ODAD2: variants seen among roughly 807,000 people sequenced by gnomAD.
ODAD2 encodes the protein outer dynein arm docking complex subunit 2.
Under a neutral mutation model 106.8 loss-of-function variants are expected in ODAD2, and 89 were observed. The observed-to-expected ratio is 0.83, with a 90% confidence interval of 0.70 to 0.99. The LOEUF (loss-of-function observed/expected upper bound fraction) is 0.99. Ranked by LOEUF, ODAD2 falls within the 50% of genes least tolerant of loss-of-function variation. The pLI, the probability that ODAD2 is intolerant of heterozygous loss-of-function variation, is 0.00. For synonymous variants in ODAD2, 404 were observed against 436.2 expected, an observed-to-expected ratio of 0.93 and a Z score of 0.92; for missense variants, 1,168 against 1,238.5, an observed-to-expected ratio of 0.94 and a Z score of 0.85.
At chr10:27,830,236 A>G (rs1393625242) in intron 19 of ODAD2, among the ~76,000 whole-genome samples, 1 of 151,648 alleles carries the variant, frequency 6.6e-6, no homozygotes, top group Non-Finnish European at 1.5e-5. Flanking sequence ...ACCACATAAC[A>G]CCTCCCCTTG....
intron 19 of ODAD2, among the ~76,000 whole-genome samples, chr10:27,819,685 T>C (rs961622684): frequency 2.0e-5 from 3 of 151,700 alleles, no homozygotes; most frequent in Admixed American, 2.0e-4. Context: ...GAGGATGGCT[T>C]GAGCCCAGCT....
At chr10:27,997,789 G>C (rs1850641758) in intron 1 of ODAD2, among the ~76,000 whole-genome samples, 1 of 152,138 alleles carries the variant, frequency 6.6e-6, no homozygotes, top group South Asian at 2.1e-4. Flanking sequence ...TTAAAATCAA[G>C]ACCAGTTGCT....
chr10:27,965,458 G>GA (rs11330909), intron 9 of ODAD2, among the ~76,000 whole-genome samples: 2 of 151,746 alleles, frequency 1.3e-5, no homozygotes, highest in Non-Finnish European at 2.9e-5. Context: ...TGGGGGCAAG[G>GA]AAAAAAATGT....
rs140344562 is a variant in ODAD2 at position 27,908,833 on chromosome 10, T to C, written c.2496-1056A>G. Among the ~76,000 whole-genome samples, 604 of 152,036 alleles carry C rather than the reference T, an allele frequency of 4.0e-3. 3 individuals carry two copies. The highest frequency in any genetic ancestry group is 0.014 in the African/African-American group (578 of 41,476). On this transcript the variant is annotated intron_variant, in intron 16 of 19. Transcript: ENST00000305242. ...CATAACTTTATAAAATTGGTGACGC[T>C]GAAAAAGAGCATTGAAAAAAACTGG...
intron 17 of ODAD2, among the ~76,000 whole-genome samples, chr10:27,906,270 T>C (rs1843580893): frequency 1.3e-5 from 2 of 152,200 alleles, no homozygotes; most frequent in African/African-American, 4.8e-5. Flanking sequence ...AAGCTCATCA[T>C]CACTGGTCAT....
intron 19 of ODAD2, among the ~76,000 whole-genome samples, chr10:27,819,955 T>G (rs1352448374): frequency 6.6e-6 from 1 of 152,202 alleles, no homozygotes; most frequent in African/African-American, 2.4e-5. Context: ...TTCATATGGG[T>G]TATGCATTTG....
At chr10:27,983,248 G>A (rs1467894774) in intron 6 of ODAD2, among the ~76,000 whole-genome samples, 3 of 152,208 alleles carry the variant, frequency 2.0e-5, no homozygotes, top group Admixed American at 6.5e-5. Flanking sequence ...CCAGGTCCCA[G>A]CTCTGCCATC....
At chr10:27,818,211 A>G (rs1430025141) in intron 19 of ODAD2, among the ~76,000 whole-genome samples, 1 of 151,874 alleles carries the variant, frequency 6.6e-6, no homozygotes, top group Non-Finnish European at 1.5e-5. Context: ...ATTATTTCTT[A>G]TATCAAAACA....
chr10:27,825,213 C>T (rs545144333), intron 19 of ODAD2, among the ~76,000 whole-genome samples: 2 of 152,314 alleles, frequency 1.3e-5, no homozygotes, highest in Admixed American at 1.3e-4. Context: ...GTCCTGACAT[C>T]TTCCCATTAC....
chr10:27,815,139 T>A (rs145716991), intron 19 of ODAD2, among the ~76,000 whole-genome samples: 148 of 152,314 alleles, frequency 9.7e-4, no homozygotes, highest in African/African-American at 3.0e-3. Context: ...TAGCAGATCT[T>A]TTTATCCTAC....
At chr10:27,955,213 C>T (rs1158366672) in intron 10 of ODAD2, among the ~76,000 whole-genome samples, 3 of 152,168 alleles carry the variant, frequency 2.0e-5, no homozygotes, top group African/African-American at 7.2e-5. Flanking sequence ...AAGAATAACT[C>T]TGTGCCATCA....
chr10:27,884,064 T>C (rs1307400969), intron 17 of ODAD2, among the ~76,000 whole-genome samples: 3 of 152,124 alleles, frequency 2.0e-5, no homozygotes, highest in South Asian at 2.1e-4. Context: ...AAACTTTACA[T>C]ATGCAAGTAT....
At chr10:27,912,794 A>G (rs1450839285) in intron 16 of ODAD2, among the ~76,000 whole-genome samples, 3 of 152,220 alleles carry the variant, frequency 2.0e-5, no homozygotes, top group Admixed American at 6.5e-5. Context: ...TTTGAAACCA[A>G]GTTGGCAATT....
intron 19 of ODAD2, among the ~76,000 whole-genome samples, chr10:27,845,818 G>T (rs1838700217): frequency 6.6e-6 from 1 of 152,110 alleles, no homozygotes; most frequent in Non-Finnish European, 1.5e-5. Flanking sequence ...TATCAAAAGA[G>T]ACAAAGAAGG....
At chr10:27,988,252 T>G (rs1352367136) in intron 2 of ODAD2, among the ~76,000 whole-genome samples, 3 of 152,010 alleles carry the variant, frequency 2.0e-5, no homozygotes, top group African/African-American at 7.2e-5. Flanking sequence ...TTTCTACCAC[T>G]TACAACATTA....
At chr10:27,895,410 C>T (rs1589951734) in intron 17 of ODAD2, among the ~76,000 whole-genome samples, 1 of 152,178 alleles carries the variant, frequency 6.6e-6, no homozygotes, top group Non-Finnish European at 1.5e-5. Flanking sequence ...TCTTGTGCCT[C>T]CCAAGTAGCT....
chr10:27,996,659 T>A (rs1850574931), intron 1 of ODAD2, among the ~76,000 whole-genome samples: 1 of 152,190 alleles, frequency 6.6e-6, no homozygotes, highest in African/African-American at 2.4e-5. Flanking sequence ...ACACCCTGAA[T>A]TTTCCAGAAT....
rs1839873653 is a variant in ODAD2 at position 27,859,235 on chromosome 10, T to C, written c.3021+1390A>G. Among the ~76,000 whole-genome samples, 3 of 152,244 alleles carry C rather than the reference T, an allele frequency of 2.0e-5. No homozygotes were observed. In the South Asian group the frequency reaches 6.2e-4, roughly 32 times the overall value. The stretch of plus-strand genomic sequence containing the variant: ...ATGGTCCAATATGTTTTTTATAGTT[T>C]ACTTTTAAACATTGTTACTTAGTTT... On this transcript the variant is annotated intron_variant, in intron 19 of 19. Coordinates refer to ENST00000305242, the MANE Select transcript of ODAD2 (RefSeq NM_018076.5).
At chr10:27,814,729 C>G (rs140990425) in intron 19 of ODAD2, among the ~76,000 whole-genome samples, 1 of 152,148 alleles carries the variant, frequency 6.6e-6, no homozygotes, top group Non-Finnish European at 1.5e-5. Context: ...TTGCATAGTC[C>G]GTCTTTTGAA....
Sources: allele counts gnomAD v4.1 joint callset (sites outside exome capture counted in the v4.1 genomes callset), GRCh38; gene constraint gnomAD v4.1.1; transcripts MANE v1.5; gene names NCBI Gene and HGNC (gene_info 2026-07-23, HGNC 2026-07-21).